PTPRM: variants seen among roughly 807,000 people sequenced by gnomAD.
PTPRM encodes receptor-type tyrosine-protein phosphatase mu.
A neutral mutation model predicts 186.7 loss-of-function variants in PTPRM; 47 were observed. That is an observed-to-expected ratio of 0.25 (90% CI 0.20 to 0.32). The LOEUF is 0.32. PTPRM is among the 10% of genes least tolerant of loss of function. PTPRM has a pLI of 1.00. For missense variants in PTPRM, 1,494 were observed against 1,865.0 expected, an observed-to-expected ratio of 0.80 and a Z score of 3.66; for synonymous variants, 668 against 674.9, an observed-to-expected ratio of 0.99 and a Z score of 0.16.
intron 19 of PTPRM, among the ~76,000 whole-genome samples, chr18:8,257,544 G>A (rs1759505782): frequency 6.6e-6 from 1 of 152,078 alleles, no homozygotes. Flanking sequence ...AAGGAGAAAG[G>A]GAATGTGTAT....
At chr18:7,845,947 G>A (rs2046573054) in intron 2 of PTPRM, among the ~76,000 whole-genome samples, 1 of 152,120 alleles carries the variant, frequency 6.6e-6, no homozygotes, top group African/African-American at 2.4e-5. Flanking sequence ...CTCAGCAAAG[G>A]CCTCTGCTGA....
chr18:8,276,441 G>T (rs2094836357), intron 19 of PTPRM, among the ~76,000 whole-genome samples: 1 of 152,086 alleles, frequency 6.6e-6, no homozygotes, highest in Non-Finnish European at 1.5e-5. Flanking sequence ...ATAATTTCTT[G>T]GTTTTGAAAA....
intron 19 of PTPRM, among the ~76,000 whole-genome samples, chr18:8,254,249 C>T (rs750350642): frequency 2.6e-5 from 4 of 152,100 alleles, no homozygotes; most frequent in African/African-American, 7.2e-5. Context: ...TGATATTCTC[C>T]GAATACATAA....
At position 7,842,837 on chromosome 18, in the gene PTPRM, T is replaced by TAG. The variant is rs1446114909; in HGVS notation, c.197-45268_197-45267insGA. Among the ~76,000 whole-genome samples, 558 of 79,124 alleles carry TAG rather than the reference T, an allele frequency of 7.1e-3. 5 individuals are homozygous for TAG. The highest frequency in any genetic ancestry group is 0.034 in the African/African-American group (522 of 15,320). 51.9% of individuals were successfully genotyped at this position (79,124 alleles called of 152,430 possible). A position where few individuals can be genotyped will look rare whatever the true frequency, so the allele number is the denominator to read the frequency against. On this transcript the variant is annotated intron_variant, in intron 2 of 32. Coordinates refer to ENST00000580170, the MANE Select transcript of PTPRM (RefSeq NM_001105244.2). The stretch of plus-strand genomic sequence containing the variant: ...GTGTGTATATATATATGTATATATA[T>TAG]ATATAGAGAGAGAGAGAGAGAAACA...
At chr18:7,829,845 T>G (rs1478180108) in intron 2 of PTPRM, among the ~76,000 whole-genome samples, 1 of 152,214 alleles carries the variant, frequency 6.6e-6, no homozygotes, top group Non-Finnish European at 1.5e-5. Context: ...CTCCCTCCTT[T>G]GTTTACTTAT....
intron 2 of PTPRM, among the ~76,000 whole-genome samples, chr18:7,841,540 C>T (rs910546265): frequency 6.6e-5 from 10 of 151,926 alleles, no homozygotes; most frequent in East Asian, 3.9e-4. Context: ...GTGATCCACC[C>T]GCCTCAGCCT....
intron 9 of PTPRM, among the ~76,000 whole-genome samples, chr18:8,079,242 C>T (rs2089995789): frequency 6.6e-6 from 1 of 152,118 alleles, no homozygotes; most frequent in Non-Finnish European, 1.5e-5. Context: ...ACCTTGTCTT[C>T]GTTCTGGCTC....
At chr18:8,074,831 C>G (rs116544635) in intron 8 of PTPRM, among the ~76,000 whole-genome samples, 2,619 of 152,200 alleles carry the variant, frequency 0.017, 72 homozygotes, top group African/African-American at 0.06. Context: ...TATGCAGAAG[C>G]CTTCTCCCAT....
chr18:8,032,294 C>T (rs1007139228), intron 7 of PTPRM, among the ~76,000 whole-genome samples: 7 of 152,116 alleles, frequency 4.6e-5, no homozygotes, highest in Non-Finnish European at 7.3e-5. Flanking sequence ...GATTGTTATG[C>T]ATATGAAATA....
chr18:7,979,866 C>G (rs1489637446), intron 7 of PTPRM, among the ~76,000 whole-genome samples: 1 of 152,148 alleles, frequency 6.6e-6, no homozygotes, highest in Non-Finnish European at 1.5e-5. Flanking sequence ...CTTCCTCTTT[C>G]TGCCTGAAAA....
chr18:8,144,795 A>T (rs112679587), intron 14 of PTPRM, among the ~76,000 whole-genome samples: 2,437 of 152,374 alleles, frequency 0.016, 27 homozygotes, highest in Middle Eastern at 0.044. Context: ...ATACAAAAAT[A>T]TAGATACTAA....
chr18:8,206,433 A>T (rs935289624), intron 14 of PTPRM, among the ~76,000 whole-genome samples: 9 of 152,064 alleles, frequency 5.9e-5, no homozygotes, highest in Non-Finnish European at 1.5e-5. Flanking sequence ...TACTTTTAGT[A>T]GAGACGGGGT....
intron 23 of PTPRM, among the ~76,000 whole-genome samples, chr18:8,350,658 G>C (rs1219276674): frequency 2.0e-5 from 3 of 152,184 alleles, no homozygotes; most frequent in Non-Finnish European, 4.4e-5. Flanking sequence ...CATCTGTTCA[G>C]AATCCTTCAG....
chr18:8,172,067 T>A lies in PTPRM; in HGVS notation c.2300+28288T>A, dbSNP rs148755328. 5.5e-4 allele frequency among the ~76,000 whole-genome samples: 83 copies of A among 152,264 alleles called. 2 individuals are homozygous for A. Among genetic ancestry groups the A allele is most frequent in the African/African-American group, 1.9e-3 (78 of 41,562 alleles). ...TCGGAAAATCATAAGTCAGGGACCG[T>A]CTACAATTGCTTTTGCTGTATTCTC... On this transcript the variant is annotated intron_variant, in intron 14 of 32. Transcript: ENST00000580170.
intron 7 of PTPRM, among the ~76,000 whole-genome samples, chr18:7,988,709 G>C (rs952292952): frequency 6.6e-6 from 1 of 152,114 alleles, no homozygotes; most frequent in Non-Finnish European, 1.5e-5. Context: ...ATATTTTCAA[G>C]ATCTATTCAT....
At chr18:8,360,931 G>C (rs2095593665) in intron 23 of PTPRM, 1 of 152,180 alleles carries the variant, frequency 6.6e-6, no homozygotes, top group Admixed American at 6.5e-5. Flanking sequence ...GAAACCAACA[G>C]TGTACGTGTA....
intron 1 of PTPRM, among the ~76,000 whole-genome samples, chr18:7,664,134 A>G (rs1166586063): frequency 1.3e-5 from 2 of 152,184 alleles, no homozygotes; most frequent in African/African-American, 2.4e-5. Flanking sequence ...GACAGCCGCA[A>G]CATCCCACAC....
chr18:8,146,660 G>A (rs1314131290), intron 14 of PTPRM, among the ~76,000 whole-genome samples: 1 of 152,136 alleles, frequency 6.6e-6, no homozygotes, highest in Non-Finnish European at 1.5e-5. Context: ...AGTTTAATTA[G>A]ATCTCATTTG....
chr18:8,344,037 T>C (rs968888808), intron 23 of PTPRM, among the ~76,000 whole-genome samples: 1 of 152,222 alleles, frequency 6.6e-6, no homozygotes, highest in African/African-American at 2.4e-5. Context: ...AGTAACTGTT[T>C]ATGAGCAGTG....
Sources: gnomAD v4.1 joint callset for allele counts (sites outside exome capture counted in the v4.1 genomes callset) on GRCh38, gnomAD v4.1.1 for gene constraint, MANE v1.5 for transcripts, NCBI Gene and HGNC (gene_info 2026-07-23, HGNC 2026-07-21) for gene names.